KCNQ5: variants seen among roughly 807,000 people sequenced by gnomAD.
KCNQ5 encodes potassium voltage-gated channel subfamily Q member 5.
In KCNQ5, 30 loss-of-function variants were observed where a neutral mutation model predicts 98.2. The observed-to-expected ratio is 0.31, with a 90% confidence interval of 0.23 to 0.41. The LOEUF (loss-of-function observed/expected upper bound fraction) is 0.41, where lower values mean the gene tolerates loss of function less well. Ranked by LOEUF, KCNQ5 falls within the 10% of genes least tolerant of loss-of-function variation. The pLI is 1.00. For synonymous variants in KCNQ5, 458 were observed against 449.4 expected (o/e 1.02, Z -0.24); for missense variants, 835 against 1,182.5 (o/e 0.71, Z 4.31).
chr6:72,716,811 G>A (rs1418763044), intron 1 of KCNQ5, among the ~76,000 whole-genome samples: 1 of 152,054 alleles, frequency 6.6e-6, no homozygotes, highest in East Asian at 1.9e-4. Context: ...CAGATTGCAG[G>A]GATGTGTATT....
At chr6:72,961,811 A>G (rs993351931) in intron 1 of KCNQ5, among the ~76,000 whole-genome samples, 1 of 151,906 alleles carries the variant, frequency 6.6e-6, no homozygotes, top group South Asian at 2.1e-4. Flanking sequence ...GACAGAGGAG[A>G]ACAGAGAGAT....
At chr6:72,666,280 C>G (rs531251758) in intron 1 of KCNQ5, among the ~76,000 whole-genome samples, 1 of 152,042 alleles carries the variant, frequency 6.6e-6, no homozygotes, top group African/African-American at 2.4e-5. Context: ...TTTAAAAAGT[C>G]TCTAAACTTG....
At chr6:72,847,077 A>G (rs995879701) in intron 1 of KCNQ5, among the ~76,000 whole-genome samples, 1 of 152,144 alleles carries the variant, frequency 6.6e-6, no homozygotes, top group African/African-American at 2.4e-5. Flanking sequence ...TTTATCCTAG[A>G]AAGTTGTAAG....
chr6:73,177,575 C>T (rs924950603), intron 11 of KCNQ5, among the ~76,000 whole-genome samples: 1 of 152,232 alleles, frequency 6.6e-6, no homozygotes, highest in Non-Finnish European at 1.5e-5. Flanking sequence ...CTTCATATTT[C>T]AGGCAAGAAT....
rs768051418 is a variant in KCNQ5 at position 73,133,687 on chromosome 6, G to C, written c.1468+46G>C. ...ACCATTTTTAATTGGATAGGCTATA[G>C]TGAGTGAGATTATGAAGTAATTAAT... is the stretch of plus-strand genomic sequence containing the variant. On this transcript the variant is annotated intron_variant, in intron 10 of 13. Coordinates refer to ENST00000370398, the MANE Select transcript of KCNQ5 (RefSeq NM_019842.4). 41 of 1,502,516 alleles carry C rather than the reference G, an allele frequency of 2.7e-5. 1 individual carries two copies. In the South Asian group the frequency reaches 3.3e-4, roughly 12 times the overall value. 93.1% of individuals were successfully genotyped at this position (1,502,516 alleles called of 1,614,324 possible).
intron 1 of KCNQ5, among the ~76,000 whole-genome samples, chr6:72,935,990 A>G (rs1765898270): frequency 1.3e-5 from 2 of 152,190 alleles, no homozygotes; most frequent in Admixed American, 1.3e-4. Context: ...AGCCTTCTTA[A>G]TAATTTCCCT....
intron 1 of KCNQ5, among the ~76,000 whole-genome samples, chr6:72,782,754 A>G (rs1399896634): frequency 1.3e-5 from 2 of 152,156 alleles, no homozygotes; most frequent in African/African-American, 4.8e-5. Context: ...TGATAAAACC[A>G]TAATACCTGG....
intron 10 of KCNQ5, among the ~76,000 whole-genome samples, chr6:73,164,407 G>C (rs1266341653): frequency 6.6e-6 from 1 of 152,136 alleles, no homozygotes; most frequent in Non-Finnish European, 1.5e-5. Context: ...TTTAATTTAT[G>C]GCTTAAACAA....
chr6:73,004,874 A>G lies in KCNQ5; in HGVS notation c.489+876A>G, dbSNP rs535043036. Among the ~76,000 whole-genome samples, 10 of 152,306 alleles carry G rather than the reference A, an allele frequency of 6.6e-5. No individual in the cohort carries two copies. The South Asian group carries it at 2.1e-3, about 32-fold the overall frequency. ...GGGGAGGAAAACGGTAAGATGGTTT[A>G]TGTGCCCTAATAAGCAGAGGTTGGT... On this transcript the variant is annotated intron_variant, in intron 2 of 13. Coordinates refer to ENST00000370398, the MANE Select transcript of KCNQ5 (RefSeq NM_019842.4).
At chr6:72,900,026 T>C (rs889775824) in intron 1 of KCNQ5, among the ~76,000 whole-genome samples, 2 of 152,050 alleles carry the variant, frequency 1.3e-5, no homozygotes, top group African/African-American at 4.8e-5. Flanking sequence ...TTAGTAGAGA[T>C]GGGGTTTCAC....
chr6:73,178,385 T>C (rs1778293103), intron 11 of KCNQ5, among the ~76,000 whole-genome samples: 1 of 150,716 alleles, frequency 6.6e-6, no homozygotes. Context: ...CCCAGGAGTT[T>C]GAAACCAGCC....
intron 1 of KCNQ5, among the ~76,000 whole-genome samples, chr6:72,783,659 A>G (rs930731083): frequency 1.3e-5 from 2 of 152,220 alleles, no homozygotes; most frequent in Non-Finnish European, 2.9e-5. Context: ...AAGGCAGAGC[A>G]TATCATTGTG....
At chr6:73,138,744 T>G (rs1369404897) in intron 10 of KCNQ5, among the ~76,000 whole-genome samples, 1 of 152,142 alleles carries the variant, frequency 6.6e-6, no homozygotes, top group Admixed American at 6.5e-5. Context: ...GTTCAGGAGA[T>G]GTTTAGGGTT....
At chr6:72,869,482 T>C (rs1220186436) in intron 1 of KCNQ5, among the ~76,000 whole-genome samples, 2 of 152,212 alleles carry the variant, frequency 1.3e-5, no homozygotes, top group African/African-American at 4.8e-5. Context: ...AGATGGACTT[T>C]TTTGAACTTT....
chr6:73,035,100 T>C (rs902591486), intron 2 of KCNQ5, among the ~76,000 whole-genome samples: 1 of 152,046 alleles, frequency 6.6e-6, no homozygotes, highest in African/African-American at 2.4e-5. Context: ...CCGCCTCGGC[T>C]TCCGAAAGCG....
At chr6:72,954,186 T>G (rs993846365) in intron 1 of KCNQ5, among the ~76,000 whole-genome samples, 11 of 152,160 alleles carry the variant, frequency 7.2e-5, no homozygotes. Context: ...TAAAACCATA[T>G]CAAGCTTCTG....
In KCNQ5 at chr6:73,111,672, A is replaced by G. The variant is rs57681965; in HGVS notation, c.1125+269A>G. 1.4e-3 allele frequency among the ~76,000 whole-genome samples: 213 copies of G among 152,354 alleles called. 1 individual carries two copies. The East Asian group carries it at 0.037, about 27-fold the overall frequency. On this transcript the variant is annotated intron_variant, in intron 7 of 13. Coordinates refer to ENST00000370398, the MANE Select transcript of KCNQ5 (RefSeq NM_019842.4). ...TCAGCAAGGCCATGCAAAGGTTAGC[A>G]GTTGTGTGGCTCGTGGAATTATCTA...
At chr6:73,098,800 A>G (rs1399379264) in intron 5 of KCNQ5, among the ~76,000 whole-genome samples, 1 of 152,188 alleles carries the variant, frequency 6.6e-6, no homozygotes, top group Non-Finnish European at 1.5e-5. Context: ...AAAACTAAAA[A>G]CCATCTAAGG....
At chr6:73,054,684 G>C (rs1171682620) in intron 3 of KCNQ5, among the ~76,000 whole-genome samples, 2 of 152,120 alleles carry the variant, frequency 1.3e-5, no homozygotes, top group African/African-American at 4.8e-5. Flanking sequence ...GGCACTGAAG[G>C]AACATACTTC....
Sources: allele counts gnomAD v4.1 joint callset (sites outside exome capture counted in the v4.1 genomes callset), GRCh38; gene constraint gnomAD v4.1.1; transcripts MANE v1.5; gene names NCBI Gene and HGNC (gene_info 2026-07-23, HGNC 2026-07-21).